The following MYO3B variants were observed in gnomAD, a reference collection of about 807,000 sequenced individuals.
The protein encoded by MYO3B is myosin IIIB.
In MYO3B, 156 loss-of-function variants were observed where a neutral mutation model predicts 174.6. The observed-to-expected ratio is 0.89, with a 90% CI of 0.78 to 1.02. The LOEUF (loss-of-function observed/expected upper bound fraction) is 1.02, where lower values mean the gene tolerates loss of function less well. MYO3B is among the 50% of genes least tolerant of loss of function. MYO3B has a pLI of 0.00. For missense variants in MYO3B, 1,632 were observed against 1,639.4 expected, an observed-to-expected ratio of 1.00 and a Z score of 0.08; for synonymous variants, 563 against 569.1, an observed-to-expected ratio of 0.99 and a Z score of 0.15.
At position 170,401,604 on chromosome 2, in the gene MYO3B, A is replaced by G; in HGVS notation, c.2042A>G (p.Asp681Gly). The change falls in exon 18 of 35, where the codon GAC becomes GGC. Residue 681 changes from aspartate (D) to glycine (G), a missense_variant. Transcript: ENST00000408978. The stretch of plus-strand genomic sequence containing the variant: ...GTAGACAGGGCTGCGGACGTTCGAG[A>G]CGCCATGTCCAAAGCCCTGTATGGG... ...NTVDRAADVR[D>G]AMSKALYGRL... The G allele has an allele frequency of 1.2e-6, 2 of 1,614,044 alleles. No homozygotes were observed. The highest frequency in any genetic ancestry group is 1.7e-6 in the Non-Finnish European group (2 of 1,180,000).
chr2:170,264,042 CTGCCTTCAA>C (rs2093365015), intron 7 of MYO3B, among the ~76,000 whole-genome samples: 1 of 152,184 alleles, frequency 6.6e-6, no homozygotes, highest in Non-Finnish European at 1.5e-5. Context: ...AACAAGCATA[CTGCCTTCAA>C]GCACTTGTTT....
At chr2:170,439,965 C>G (rs2094787126) in intron 22 of MYO3B, among the ~76,000 whole-genome samples, 1 of 152,178 alleles carries the variant, frequency 6.6e-6, no homozygotes, top group Non-Finnish European at 1.5e-5. Flanking sequence ...CAGGCGTGAG[C>G]CACCATGCCT....
chr2:170,398,100 G>A (rs2094451415), intron 16 of MYO3B, among the ~76,000 whole-genome samples: 1 of 151,858 alleles, frequency 6.6e-6, no homozygotes, highest in Non-Finnish European at 1.5e-5. Context: ...GCAGGTGCCT[G>A]TAATCCTAGC....
intron 8 of MYO3B, among the ~76,000 whole-genome samples, chr2:170,356,982 T>G (rs1458771355): frequency 6.6e-6 from 1 of 151,806 alleles, no homozygotes; most frequent in Non-Finnish European, 1.5e-5. Context: ...AGGGTCTCCC[T>G]GTGTGGCTCA....
intron 32 of MYO3B, among the ~76,000 whole-genome samples, chr2:170,563,119 TACACACACAC>T (rs56807707): frequency 9.1e-6 from 1 of 110,348 alleles, no homozygotes; most frequent in African/African-American, 2.8e-5. Flanking sequence ...CTCTCACACA[TACACACACAC>T]ACACACACAC....
intron 32 of MYO3B, among the ~76,000 whole-genome samples, chr2:170,572,427 C>T (rs1322138431): frequency 7.5e-6 from 1 of 132,554 alleles, no homozygotes; most frequent in South Asian, 2.4e-4. Flanking sequence ...GACTCTGTCT[C>T]AAAAAAAAAA....
At chr2:170,263,881 G>A (rs146511170) in intron 7 of MYO3B, among the ~76,000 whole-genome samples, 2,428 of 152,154 alleles carry the variant, frequency 0.016, 32 homozygotes, top group South Asian at 0.033. Context: ...GCTGGGGGAC[G>A]GTCAGGTCTT....
At chr2:170,502,479 G>A (rs991859703) in intron 28 of MYO3B, among the ~76,000 whole-genome samples, 28 of 152,330 alleles carry the variant, frequency 1.8e-4, no homozygotes, top group African/African-American at 5.8e-4. Flanking sequence ...AGCACATGGT[G>A]GCTTTTATGG....
chr2:170,313,686 C>A lies in MYO3B; in HGVS notation c.750-21699C>A, dbSNP rs530205667. ...TCCTGAATTCATTTAGTATTGTTTC[C>A]CCCTCTTCTGACAGGGCCTCTCTTC... On this transcript the variant is annotated intron_variant, in intron 7 of 34. Transcript: ENST00000408978. Among the ~76,000 whole-genome samples, 6 of 152,242 alleles carry A rather than the reference C, an allele frequency of 3.9e-5. No homozygotes were observed. The East Asian group carries it at 9.6e-4, about 24-fold the overall frequency.
chr2:170,203,531 C>T (rs1054421806), intron 3 of MYO3B, among the ~76,000 whole-genome samples: 3 of 147,544 alleles, frequency 2.0e-5, no homozygotes, highest in African/African-American at 7.7e-5. Context: ...GAAAGAGAGA[C>T]AGCAGACAGA....
chr2:170,448,618 A>G (rs543131609), intron 23 of MYO3B, among the ~76,000 whole-genome samples: 1 of 152,340 alleles, frequency 6.6e-6, no homozygotes, highest in East Asian at 1.9e-4. Context: ...ATAGAACAAC[A>G]TACTATATGG....
At chr2:170,293,206 A>C (rs2093607371) in intron 7 of MYO3B, among the ~76,000 whole-genome samples, 1 of 151,836 alleles carries the variant, frequency 6.6e-6, no homozygotes, top group Non-Finnish European at 1.5e-5. Context: ...CTGTGGGGGG[A>C]AATGAAGCTA....
At chr2:170,547,511 T>C (rs1375664725) in intron 32 of MYO3B, among the ~76,000 whole-genome samples, 1 of 152,232 alleles carries the variant, frequency 6.6e-6, no homozygotes, top group African/African-American at 2.4e-5. Context: ...CTGGTTTTAC[T>C]AATGCAAATG....
At chr2:170,579,365 A>C (rs1186039643) in intron 32 of MYO3B, among the ~76,000 whole-genome samples, 1 of 152,002 alleles carries the variant, frequency 6.6e-6, no homozygotes, top group African/African-American at 2.4e-5. Flanking sequence ...AGAGAGGGAA[A>C]ATACCAAAAA....
chr2:170,494,783 A>G (rs964024428), intron 25 of MYO3B, among the ~76,000 whole-genome samples: 1 of 151,862 alleles, frequency 6.6e-6, no homozygotes, highest in Non-Finnish European at 1.5e-5. Context: ...AAAAGAAGTT[A>G]CGTGGATTTC....
chr2:170,383,144 A>C lies in MYO3B; in HGVS notation c.1140A>C (p.Leu380Phe). Residue 380 changes from leucine (L) to phenylalanine (F), a missense_variant, in exon 11 of 35, where the codon TTA (leucine) becomes TTC (phenylalanine). Leu to Phe is a conservative substitution (Grantham distance 22). Transcript: ENST00000408978. ...TTTACACATATGTTGGAGACATCTT[A>C]ATTGCCTTAAACCCCTTCCAGAATC... is the stretch of plus-strand genomic sequence containing the variant. Reference protein sequence around the residue: ...LLIYTYVGDILIALNPFQNLS... With the variant: ...LLIYTYVGDIFIALNPFQNLS... 6.2e-7 allele frequency: 1 copy of C among 1,613,288 alleles called. No homozygotes were observed. The highest frequency in any genetic ancestry group is 1.3e-5 in the African/African-American group (1 of 75,010).
intron 32 of MYO3B, among the ~76,000 whole-genome samples, chr2:170,606,110 C>A (rs544031505): frequency 6.6e-6 from 1 of 152,106 alleles, no homozygotes; most frequent in Admixed American, 6.5e-5. Flanking sequence ...TGTGTCAGTA[C>A]GTATATGGGA....
At chr2:170,418,371 G>A (rs1025904586) in intron 22 of MYO3B, among the ~76,000 whole-genome samples, 3 of 152,150 alleles carry the variant, frequency 2.0e-5, no homozygotes, top group Non-Finnish European at 4.4e-5. Context: ...ATTAGCAGAG[G>A]CATTATTGTA....
At chr2:170,609,759 T>C (rs547046757) in intron 32 of MYO3B, among the ~76,000 whole-genome samples, 1 of 152,290 alleles carries the variant, frequency 6.6e-6, no homozygotes, top group Admixed American at 6.5e-5. Flanking sequence ...GAACTCAAGA[T>C]CCCGAAAGAC....
Sources: gnomAD v4.1 joint callset for allele counts (sites outside exome capture counted in the v4.1 genomes callset) on GRCh38, gnomAD v4.1.1 for gene constraint, MANE v1.5 for transcripts, NCBI Gene and HGNC (gene_info 2026-07-23, HGNC 2026-07-21) for gene names.